The following GPR161 variants were observed in gnomAD, a reference collection of about 807,000 sequenced individuals.
The protein encoded by GPR161 is G-protein coupled receptor RE2.
A neutral mutation model predicts 39.2 loss-of-function variants in GPR161; 25 were observed. The ratio of observed to expected loss-of-function variants is 0.64; its 90% CI spans 0.47 to 0.89. The LOEUF (loss-of-function observed/expected upper bound fraction) is 0.89, where lower values mean the gene tolerates loss of function less well. Among genes scored for constraint, GPR161 ranks in the 40% least tolerant of loss-of-function variants. The pLI is 0.00. For synonymous variants in GPR161, 286 were observed against 276.6 expected (o/e 1.03, Z -0.34); for missense variants, 547 against 677.8 (o/e 0.81, Z 2.14).
rs1491461176 is a variant in GPR161 at position 168,119,258 on chromosome 1, G to GTA, written c.-44-14366_-44-14365dup. On this transcript the variant is annotated intron_variant, in intron 1 of 5. Transcript: ENST00000682931. ...TATATATATACACATATATATATAC[G>GTA]TATATATATGTGTATATATATATAT... 1.1e-4 allele frequency among the ~76,000 whole-genome samples: 10 copies of GTA among 94,956 alleles called. 1 individual carries two copies. The highest frequency in any genetic ancestry group is 4.8e-4 in the African/African-American group (9 of 18,624). 62.3% of individuals were successfully genotyped at this position (94,956 alleles called of 152,430 possible). A position where few individuals can be genotyped will look rare whatever the true frequency, so the allele number is the denominator to read the frequency against.
chr1:168,123,533 T>TACACACAC (rs879589931), intron 1 of GPR161, among the ~76,000 whole-genome samples: 26 of 97,646 alleles, frequency 2.7e-4, no homozygotes, highest in Non-Finnish European at 3.4e-4. Context: ...GATATGCACA[T>TACACACAC]ACATACACAC....
chr1:168,117,282 C>T (rs373200875), intron 1 of GPR161, among the ~76,000 whole-genome samples: 2 of 152,190 alleles, frequency 1.3e-5, no homozygotes, highest in East Asian at 1.9e-4. Flanking sequence ...CTAATAATGA[C>T]AGTATTTGCA....
chr1:168,096,695 G>T lies in GPR161; in HGVS notation c.912C>A (p.Ser304Arg). 6.2e-7 allele frequency: 1 copy of T among 1,614,080 alleles called. No homozygotes were observed. Among genetic ancestry groups the T allele is most frequent in the Non-Finnish European group, 8.5e-7 (1 of 1,179,968 alleles). The change falls in exon 3 of 6, where the codon AGC becomes AGA. Residue 304 changes from serine to arginine, a missense_variant. Transcript: ENST00000682931. ...ALWGKSSVSP[S>R]LETWATWLSF... Reference sequence around the variant, plus strand: ...ACAGCCATGTGGCCCAAGTCTCCAGGCTCGGGGAGACGGAGCTTTTCCCCC... The same window carrying T: ...ACAGCCATGTGGCCCAAGTCTCCAGTCTCGGGGAGACGGAGCTTTTCCCCC...
chr1:168,136,909 C>G lies in GPR161; in HGVS notation c.-215G>C, dbSNP rs1232114434. The stretch of plus-strand genomic sequence containing the variant: ...CGCGGGCCAGCCACCAGCACGCGGA[C>G]CCGGGCGGGCGCAGGCCAAGTAACT... On this transcript the variant is annotated 5_prime_UTR_variant, in exon 1 of 6. Coordinates refer to ENST00000682931, the MANE Select transcript of GPR161 (RefSeq NM_001375883.1). 4 of 980,988 alleles carry G rather than the reference C, an allele frequency of 4.1e-6. No individual in the cohort carries two copies. In the East Asian group the frequency reaches 3.4e-4, roughly 85 times the overall value. 60.8% of individuals were successfully genotyped at this position (980,988 alleles called of 1,614,324 possible).
Position 168,097,119 on chromosome 1 carries a change from A to T in GPR161, c.488T>A (p.Leu163Gln). ...AAACTCCACGGATGACCAACCAAAC[A>T]GGGGTGGCAGGCAGCCGATGAGCGA... ...LHSLIGCLPPLFGWSSVEFDE... is the reference protein window; with the variant it reads ...LHSLIGCLPPQFGWSSVEFDE... Residue 163 changes from leucine (L) to glutamine (Q), a missense_variant, in exon 3 of 6, where the codon CTG (leucine) becomes CAG (glutamine). Physicochemically the swap from Leu to Gln is moderately radical, Grantham distance 113. Coordinates refer to ENST00000682931, the MANE Select transcript of GPR161 (RefSeq NM_001375883.1). 6.2e-7 allele frequency: 1 copy of T among 1,613,730 alleles called. No individual in the cohort carries two copies.
chr1:168,117,035 C>T (rs1254283607), intron 1 of GPR161, among the ~76,000 whole-genome samples: 1 of 152,118 alleles, frequency 6.6e-6, no homozygotes, highest in Non-Finnish European at 1.5e-5. Flanking sequence ...ACCTCATTGC[C>T]CTTCACAACA....
chr1:168,106,683 C>T (rs79093848), intron 1 of GPR161, among the ~76,000 whole-genome samples: 2,117 of 152,334 alleles, frequency 0.014, 47 homozygotes, highest in African/African-American at 0.047. Context: ...TCTGTGAAGA[C>T]AGATGTCCCT....
intron 4 of GPR161, 71 bp downstream of exon 4, chr1:168,090,493 A>T: frequency 1.2e-6 from 1 of 852,770 alleles, no homozygotes; most frequent in Non-Finnish European, 1.9e-6. Context: ...GCACAGGGGA[A>T]ACGCGACACG....
chr1:168,121,685 A>G (rs540887726), intron 1 of GPR161, among the ~76,000 whole-genome samples: 3 of 152,196 alleles, frequency 2.0e-5, no homozygotes, highest in Non-Finnish European at 4.4e-5. Flanking sequence ...AGCTTTAGCA[A>G]CCTGAAGATT....
At chr1:168,131,236 A>C (rs1698969496) in intron 1 of GPR161, among the ~76,000 whole-genome samples, 3 of 145,884 alleles carry the variant, frequency 2.1e-5, no homozygotes, top group South Asian at 2.2e-4. Context: ...CCCCCACACC[A>C]ATCTCTCCTC....
chr1:168,099,013 T>C (rs1047092539), intron 2 of GPR161, among the ~76,000 whole-genome samples: 1 of 152,210 alleles, frequency 6.6e-6, no homozygotes, highest in African/African-American at 2.4e-5. Context: ...ACAGGTCTGC[T>C]CCTAGGAACG....
At chr1:168,108,169 G>C (rs1696779725) in intron 1 of GPR161, among the ~76,000 whole-genome samples, 2 of 152,114 alleles carry the variant, frequency 1.3e-5, no homozygotes, top group African/African-American at 4.8e-5. Flanking sequence ...AGAGAGGAAA[G>C]GAGGTACCAG....
chr1:168,137,337 T>G, upstream of GPR161: 1 of 1,535,626 alleles, frequency 6.5e-7, no homozygotes, highest in Non-Finnish European at 8.7e-7. Context: ...ACAGTCCCAT[T>G]CTCCTCCTCC....
chr1:168,090,091 C>T (rs909166565), intron 4 of GPR161, among the ~76,000 whole-genome samples: 2 of 152,212 alleles, frequency 1.3e-5, no homozygotes, highest in East Asian at 1.9e-4. Flanking sequence ...ATTCTCACAG[C>T]TGCCCTGTAA....
chr1:168,128,791 G>T (rs1220189681), intron 1 of GPR161, among the ~76,000 whole-genome samples: 1 of 152,174 alleles, frequency 6.6e-6, no homozygotes, highest in African/African-American at 2.4e-5. Flanking sequence ...ATAGCTGAAA[G>T]GAGTACATTT....
upstream of GPR161, chr1:168,137,341 C>G: frequency 6.5e-7 from 1 of 1,535,846 alleles, no homozygotes; most frequent in Non-Finnish European, 8.7e-7. Flanking sequence ...TCCCATTCTC[C>G]TCCTCCAGTC....
In GPR161 at chr1:168,109,863, A is replaced by G. The variant is rs538482294; in HGVS notation, c.-44-4969T>C. Among the ~76,000 whole-genome samples, 38 of 152,254 alleles carry G rather than the reference A, an allele frequency of 2.5e-4. 2 individuals are homozygous for G. The South Asian group carries it at 7.5e-3, about 30-fold the overall frequency. On this transcript the variant is annotated intron_variant, in intron 1 of 5. Transcript: ENST00000682931. ...ACACCTGTAGTCCCAGCTACTGGAGAGGCCGAGGCGGAGAATTGCTTGAAC... is the reference window on the plus strand; with the variant it reads ...ACACCTGTAGTCCCAGCTACTGGAGGGGCCGAGGCGGAGAATTGCTTGAAC...
chr1:168,133,878 A>C, intron 1 of GPR161: 1 of 945,906 alleles, frequency 1.1e-6, no homozygotes, highest in African/African-American at 1.8e-5. Context: ...ATATTCACCT[A>C]TGTTTCCAGG....
intron 5 of GPR161, 55 bp from the exon 6 acceptor site, chr1:168,085,851 C>T: frequency 6.6e-7 from 1 of 1,506,136 alleles, no homozygotes. Flanking sequence ...TGGGGACTAC[C>T]TTGGGGACAA....
Sources: gnomAD v4.1 joint callset for allele counts (sites outside exome capture counted in the v4.1 genomes callset) on GRCh38, gnomAD v4.1.1 for gene constraint, MANE v1.5 for transcripts, NCBI Gene and HGNC (gene_info 2026-07-23, HGNC 2026-07-21) for gene names.